Variants in ERC2 observed in about 807,000 individuals in gnomAD.
ERC2 encodes ELKS/RAB6-interacting/CAST family member 2.
A neutral mutation model predicts 114.8 loss-of-function variants in ERC2; 42 were observed. The ratio of observed to expected loss-of-function variants is 0.37; its 90% CI spans 0.29 to 0.47. The LOEUF (loss-of-function observed/expected upper bound fraction) is 0.47. ERC2 is among the 20% of genes least tolerant of loss of function. The pLI, the probability that ERC2 is intolerant of heterozygous loss-of-function variation, is 0.99. For synonymous variants in ERC2, 454 were observed against 425.5 expected, an observed-to-expected ratio of 1.07 and a Z score of -0.82; for missense variants, 939 against 1,150.7, an observed-to-expected ratio of 0.82 and a Z score of 2.66.
At chr3:56,275,436 A>G (rs913689831) in intron 3 of ERC2, among the ~76,000 whole-genome samples, 1 of 152,190 alleles carries the variant, frequency 6.6e-6, no homozygotes, top group Non-Finnish European at 1.5e-5. Flanking sequence ...CATAACACAG[A>G]AAGTTTCTTA....
At chr3:55,540,651 C>T (rs1164241930) in intron 17 of ERC2, among the ~76,000 whole-genome samples, 1 of 152,170 alleles carries the variant, frequency 6.6e-6, no homozygotes, top group African/African-American at 2.4e-5. Context: ...AGGCCCCTCC[C>T]AGCTTTAACG....
At chr3:55,782,034 A>G (rs1456448736) in intron 14 of ERC2, among the ~76,000 whole-genome samples, 3 of 152,142 alleles carry the variant, frequency 2.0e-5, no homozygotes, top group African/African-American at 7.2e-5. Context: ...GGGACATTTT[A>G]CCACTCCTCT....
At chr3:55,831,571 T>C (rs1320597252) in intron 14 of ERC2, among the ~76,000 whole-genome samples, 3 of 152,220 alleles carry the variant, frequency 2.0e-5, no homozygotes, top group Admixed American at 2.0e-4. Flanking sequence ...AATAAAATCA[T>C]ATCAAGGATT....
intron 17 of ERC2, among the ~76,000 whole-genome samples, chr3:55,673,751 GT>G (rs2061661867): frequency 1.3e-5 from 2 of 149,708 alleles, no homozygotes. Flanking sequence ...CACTGAATCC[GT>G]TTACAATCCA....
chr3:56,042,753 TTTCAGATCATTTATACAA>T (rs1187194635), intron 7 of ERC2, among the ~76,000 whole-genome samples: 15 of 152,086 alleles, frequency 9.9e-5, no homozygotes, highest in African/African-American at 3.1e-4. Context: ...CTTAACTGAA[TTTCAGATCATTTATACAA>T]TTCATTTTCT....
chr3:56,329,776 A>G (rs2057520765), intron 2 of ERC2, among the ~76,000 whole-genome samples: 1 of 146,850 alleles, frequency 6.8e-6, no homozygotes. Flanking sequence ...ATTCTCATAT[A>G]TATGTATTTC....
chr3:56,203,782 C>A (rs17634512), intron 3 of ERC2, among the ~76,000 whole-genome samples: 45,143 of 152,104 alleles, frequency 0.3, 8,396 homozygotes, highest in Middle Eastern at 0.42. Flanking sequence ...GAGGAAGGTA[C>A]TGGATAAGTG....
At chr3:56,044,172 T>C (rs1576686037) in intron 7 of ERC2, among the ~76,000 whole-genome samples, 1 of 152,190 alleles carries the variant, frequency 6.6e-6, no homozygotes, top group South Asian at 2.1e-4. Flanking sequence ...ACAATTCACT[T>C]CAAGAGAGTT....
At chr3:56,170,515 A>G (rs1276871109) in intron 4 of ERC2, among the ~76,000 whole-genome samples, 1 of 151,012 alleles carries the variant, frequency 6.6e-6, no homozygotes, top group Non-Finnish European at 1.5e-5. Context: ...GCTCACCCTT[A>G]GTTCCTCTAA....
At chr3:55,871,857 A>T (rs2062597280) in intron 14 of ERC2, among the ~76,000 whole-genome samples, 1 of 152,206 alleles carries the variant, frequency 6.6e-6, no homozygotes, top group Non-Finnish European at 1.5e-5. Flanking sequence ...TTTGGGTGCC[A>T]GAGGGTTTCA....
intron 14 of ERC2, among the ~76,000 whole-genome samples, chr3:55,779,832 C>T (rs2068897496): frequency 6.6e-6 from 1 of 152,008 alleles, no homozygotes; most frequent in African/African-American, 2.4e-5. Context: ...ACATCAGAAT[C>T]GTGGGTCTGA....
chr3:55,605,783 G>T (rs2058616130), intron 17 of ERC2, among the ~76,000 whole-genome samples: 1 of 152,132 alleles, frequency 6.6e-6, no homozygotes. Context: ...TTAGAACTCA[G>T]GAATAAAACT....
At chr3:55,787,150 C>T (rs1030663941) in intron 14 of ERC2, among the ~76,000 whole-genome samples, 4 of 152,164 alleles carry the variant, frequency 2.6e-5, no homozygotes, top group Admixed American at 2.6e-4. Context: ...GGGGCGATGG[C>T]TCACACCTGT....
Position 56,139,532 on chromosome 3 carries a change from T to C in ERC2, c.1450A>G (p.Arg484Gly), listed in dbSNP as rs148224255. 2.5e-6 allele frequency: 4 copies of C among 1,613,784 alleles called. No homozygotes were observed. The East Asian group carries it at 8.9e-5, about 36-fold the overall frequency. ...LKESLTAKEQ[R>G]AAILQTEVDA... is the part of the protein sequence containing the mutation. ...ACCTCAGTCTGAAGGATGGCAGCCC[T>C]CTGTTCTTTGGCAGTAAGTGACTCT... The change falls in exon 6 of 18, where the codon AGG becomes GGG. Residue 484 changes from arginine (R) to glycine (G), a missense_variant. By Grantham distance (125) the Arg-to-Gly change is moderately radical. This residue lies in a region of ERC2 where 149 missense variants were observed against 254.6 expected (regional missense o/e 0.59). Coordinates refer to ENST00000288221, the MANE Select transcript of ERC2 (RefSeq NM_015576.3).
intron 14 of ERC2, among the ~76,000 whole-genome samples, chr3:55,874,518 T>C (rs1224889629): frequency 1.3e-5 from 2 of 152,190 alleles, no homozygotes; most frequent in Non-Finnish European, 2.9e-5. Context: ...AATTACTTAA[T>C]ATGAGAAATG....
chr3:56,131,459 T>A (rs138662738), intron 6 of ERC2, among the ~76,000 whole-genome samples: 27 of 152,306 alleles, frequency 1.8e-4, no homozygotes, highest in African/African-American at 6.3e-4. Flanking sequence ...GTCTTAAAAG[T>A]TGATTTTGTT....
At chr3:56,251,453 T>G (rs1468157229) in intron 3 of ERC2, among the ~76,000 whole-genome samples, 1 of 152,034 alleles carries the variant, frequency 6.6e-6, no homozygotes, top group Non-Finnish European at 1.5e-5. Flanking sequence ...TGATCTGCAC[T>G]CTCCTGGTAC....
intron 14 of ERC2, among the ~76,000 whole-genome samples, chr3:55,861,929 T>G (rs971805644): frequency 1.3e-5 from 2 of 152,246 alleles, no homozygotes; most frequent in African/African-American, 2.4e-5. Flanking sequence ...GTACTGTGTT[T>G]TATAGGCCGA....
In ERC2 at chr3:56,206,407, T is replaced by C. The variant is rs190839168; in HGVS notation, c.1075-32887A>G. On this transcript the variant is annotated intron_variant, in intron 3 of 17. Coordinates refer to ENST00000288221, the MANE Select transcript of ERC2 (RefSeq NM_015576.3). ...TTTCATAAGTCAACATATGAAAAGC[T>C]CAGCATAGAATCTGATACATACTGA... Among the ~76,000 whole-genome samples the C allele has an allele frequency of 1.4e-3, 207 of 152,302 alleles. 3 individuals carry two copies. The highest frequency in any genetic ancestry group is 5.3e-4 in the Non-Finnish European group (36 of 68,038).
Sources: allele counts gnomAD v4.1 joint callset (sites outside exome capture counted in the v4.1 genomes callset), GRCh38; gene constraint gnomAD v4.1.1; regional missense constraint gnomAD v4.1.1; transcripts MANE v1.5; gene names NCBI Gene and HGNC (gene_info 2026-07-23, HGNC 2026-07-21).